Variants in SYNE1 observed in about 807,000 individuals in gnomAD.
SYNE1 encodes the protein nesprin-1.
In SYNE1, 616 loss-of-function variants were observed where a neutral mutation model predicts 1,111.0. The observed-to-expected ratio is 0.55, with a 90% CI of 0.52 to 0.59. The LOEUF is 0.59. Among genes scored for constraint, SYNE1 ranks in the 20% least tolerant of loss-of-function variants. SYNE1 has a pLI of 0.00. For synonymous variants in SYNE1, 3,855 were observed against 3,825.8 expected (o/e 1.01, Z -0.28); for missense variants, 10,006 against 10,417.0 (o/e 0.96, Z 1.72).
At chr6:152,593,945 T>C (rs2099573863) in intron 3 of SYNE1, among the ~76,000 whole-genome samples, 2 of 152,104 alleles carry the variant, frequency 1.3e-5, no homozygotes, top group Non-Finnish European at 2.9e-5. Context: ...GAAAAAACCA[T>C]AGTGAGCAGA....
intron 104 of SYNE1, 89 bp downstream of exon 104, chr6:152,254,790 CA>C: frequency 8.3e-7 from 1 of 1,199,816 alleles, no homozygotes; most frequent in African/African-American, 1.5e-5. Flanking sequence ...TTTAGAAAAA[CA>C]ACAACCAGGT....
chr6:152,555,723 A>G (rs969619489), intron 3 of SYNE1, among the ~76,000 whole-genome samples: 10 of 152,352 alleles, frequency 6.6e-5, no homozygotes, highest in Middle Eastern at 6.8e-3. Flanking sequence ...GATAAATAAC[A>G]ATATAACATG....
chr6:152,302,042 C>A lies in SYNE1; in HGVS notation c.17368G>T (p.Gly5790Cys), dbSNP rs764611066. 1 of 1,614,274 alleles carries A rather than the reference C, an allele frequency of 6.2e-7. No individual in the cohort carries two copies. The highest frequency in any genetic ancestry group is 2.2e-5 in the East Asian group (1 of 44,890). ...RHEELAQKIKGYQEQIASLNS... is the reference protein window; with the variant it reads ...RHEELAQKIKCYQEQIASLNS... ...AAAGAAGCGATCTGCTCCTGGTAGC[C>A]CTTAATTTTCTGCGCCAGCTCCTGA... Residue 5790 changes from glycine (G) to cysteine (C), a missense_variant, in exon 92 of 146, where the codon GGC (glycine) becomes TGC (cysteine). Around this residue, in one of 7 missense-constraint regions of SYNE1, gnomAD observed 4,955 missense variants for 5,017.2 expected, o/e 0.99. Transcript: ENST00000367255.
intron 39 of SYNE1, among the ~76,000 whole-genome samples, chr6:152,424,937 C>G (rs2098329198): frequency 6.6e-6 from 1 of 152,178 alleles, no homozygotes; most frequent in Admixed American, 6.5e-5. Flanking sequence ...AAGATTTAAT[C>G]CATTTTTGCC....
At chr6:152,620,103 C>T (rs569500791) in intron 3 of SYNE1, among the ~76,000 whole-genome samples, 2 of 150,648 alleles carry the variant, frequency 1.3e-5, no homozygotes, top group Admixed American at 1.3e-4. Context: ...ATATTATGAA[C>T]ATGTAGAAAC....
At chr6:152,189,546 C>T (rs1224750417) in intron 127 of SYNE1, 139 bp from the exon 128 acceptor site, 3 of 757,338 alleles carry the variant, frequency 4.0e-6, no homozygotes, top group Non-Finnish European at 6.6e-6. Context: ...AGAGGCACAT[C>T]ATGGCAATAT....
rs1431805592 is a variant in SYNE1, at chr6:152,461,719, C to G, written c.2272G>C (p.Val758Leu). The G allele has an allele frequency of 6.2e-7, 1 of 1,613,886 alleles. No individual in the cohort carries two copies. The highest frequency in any genetic ancestry group is 8.5e-7 in the Non-Finnish European group (1 of 1,179,952). The change falls in exon 21 of 146, where the codon GTG becomes CTG. Residue 758 changes from valine (V) to leucine (L), a missense_variant. Val to Leu is a conservative substitution (Grantham distance 32). Around this residue, in one of 7 missense-constraint regions of SYNE1, gnomAD observed 1,971 missense variants for 2,084.1 expected, o/e 0.95. Coordinates refer to ENST00000367255, the MANE Select transcript of SYNE1 (RefSeq NM_182961.4). Reference sequence around the variant, plus strand: ...ATTATCTTGTATTGGGCATCCATCACAGGCACCCTCTGCTCAATATCCTGC... The same window carrying G: ...ATTATCTTGTATTGGGCATCCATCAGAGGCACCCTCTGCTCAATATCCTGC... ...DLEDIEQRVPVMDAQYKIITK... is the reference protein window; with the variant it reads ...DLEDIEQRVPLMDAQYKIITK...
chr6:152,604,944 CAAAGAAAGAAAG>C lies in SYNE1; in HGVS notation c.67+23309_67+23320del, dbSNP rs1185668483. Among the ~76,000 whole-genome samples, 384 of 65,910 alleles carry C rather than the reference CAAAGAAAGAAAG, an allele frequency of 5.8e-3. 6 individuals are homozygous for C. The highest frequency in any genetic ancestry group is 0.018 in the East Asian group (30 of 1,708). The allele number at this position is 65,910 out of a possible 152,430, so 43.2% of individuals were successfully genotyped here. ...ACTCAAACAGTGAGACCCTATCTCA[CAAAGAAAGAAAG>C]AAAGAAAGAAAGAAAGAAAGAAAGA... On this transcript the variant is annotated intron_variant, in intron 3 of 145. Transcript: ENST00000367255.
intron 101 of SYNE1, 68 bp downstream of exon 101, chr6:152,261,964 T>C (rs2092057695): frequency 1.5e-6 from 2 of 1,361,570 alleles, no homozygotes; most frequent in African/African-American, 1.5e-5. Flanking sequence ...GATTGCACAG[T>C]TATAATCCCT....
At chr6:152,185,318 C>A (rs1335923918) in intron 128 of SYNE1, 1 of 152,364 alleles carries the variant, frequency 6.6e-6, no homozygotes, top group Non-Finnish European at 1.5e-5. Context: ...GTACTCCAGA[C>A]TCCTCATCAA....
intron 18 of SYNE1, among the ~76,000 whole-genome samples, chr6:152,463,932 T>C (rs1226980089): frequency 6.6e-6 from 1 of 152,172 alleles, no homozygotes; most frequent in African/African-American, 2.4e-5. Context: ...ATTGATGGGG[T>C]ATGAGTACAA....
At chr6:152,506,209 A>G (rs2099057514) in intron 8 of SYNE1, among the ~76,000 whole-genome samples, 1 of 152,014 alleles carries the variant, frequency 6.6e-6, no homozygotes, top group African/African-American at 2.4e-5. Flanking sequence ...ACAATGAATG[A>G]TTTTTTTTCC....
intron 3 of SYNE1, among the ~76,000 whole-genome samples, chr6:152,551,000 A>G (rs1157938044): frequency 2.0e-5 from 3 of 152,206 alleles, no homozygotes; most frequent in Non-Finnish European, 4.4e-5. Context: ...AGCACAGCTT[A>G]TTGTGGCACT....
chr6:152,546,258 T>C (rs2099312414), intron 3 of SYNE1: 1 of 152,176 alleles, frequency 6.6e-6, no homozygotes, highest in South Asian at 2.1e-4. Context: ...TGTTAAGATT[T>C]TAAAATTGAA....
chr6:152,432,126 G>A (rs1483207170), intron 34 of SYNE1, among the ~76,000 whole-genome samples: 4 of 152,054 alleles, frequency 2.6e-5, no homozygotes, highest in African/African-American at 7.2e-5. Flanking sequence ...GATGGAAGAC[G>A]AACCCAGCAT....
intron 46 of SYNE1, among the ~76,000 whole-genome samples, 171 bp from the exon 47 acceptor site, chr6:152,401,512 G>A (rs2097818375): frequency 6.6e-6 from 1 of 152,232 alleles, no homozygotes; most frequent in African/African-American, 2.4e-5. Flanking sequence ...GGACACAGTT[G>A]CCAAACACAT....
chr6:152,172,869 T>C (rs2065545638), intron 130 of SYNE1, among the ~76,000 whole-genome samples: 1 of 152,202 alleles, frequency 6.6e-6, no homozygotes, highest in Admixed American at 6.5e-5. Flanking sequence ...TCCAATAAGG[T>C]AGCCACTAGC....
Position 152,425,459 on chromosome 6 carries a change from T to C in SYNE1, c.5189A>G (p.Asp1730Gly), listed in dbSNP as rs2098337430. The C allele has an allele frequency of 1.2e-6, 2 of 1,614,070 alleles. No homozygotes were observed. The highest frequency in any genetic ancestry group is 1.3e-5 in the African/African-American group (1 of 74,938). ...KESLFSVASK[D>G]DVKMMKLHLE... ...ATGTAGTTTCATCATTTTCACATCA[T>C]CTTTGGAGGCTACTGAGAACAATGA... is the stretch of plus-strand genomic sequence containing the variant. The change falls in exon 39 of 146, where the codon GAT (aspartate) becomes GGT (glycine). Residue 1730 changes from aspartate to glycine, a missense_variant. Asp to Gly is a moderately conservative substitution (Grantham distance 94). This residue lies in a region of SYNE1 where 1,971 missense variants were observed against 2,084.1 expected (regional missense o/e 0.95). Coordinates refer to ENST00000367255, the MANE Select transcript of SYNE1 (RefSeq NM_182961.4).
Position 152,281,873 on chromosome 6 carries a change from A to G in SYNE1, c.18315T>C (p.Thr6105=), listed in dbSNP as rs1472776254. ...LDSWLLSTKA[T]LDTALSPPKE... ...TGGGTGGACTCAGCGCAGTGTCCAG[A>G]GTGGCCTTGGTACTCAAGAGCCAGC... Residue 6105 remains threonine (T), a synonymous_variant, in exon 97 of 146, where the codon ACT becomes ACC. Transcript: ENST00000367255. The G allele has an allele frequency of 1.9e-6, 3 of 1,614,200 alleles. No individual in the cohort carries two copies. The highest frequency in any genetic ancestry group is 2.2e-5 in the East Asian group (1 of 44,880).
Sources: gnomAD v4.1 joint callset for allele counts (sites outside exome capture counted in the v4.1 genomes callset) on GRCh38, gnomAD v4.1.1 for gene constraint, gnomAD v4.1.1 regional missense constraint, MANE v1.5 for transcripts, NCBI Gene and HGNC (gene_info 2026-07-23, HGNC 2026-07-21) for gene names.